TAF3: variants seen among roughly 807,000 people sequenced by gnomAD.
TAF3 encodes the protein transcription initiation factor TFIID subunit 3.
TAF3 carries 7 observed loss-of-function variants against 80.6 expected under a neutral mutation model. The ratio of observed to expected loss-of-function variants is 0.09; its 90% CI spans 0.05 to 0.16. TAF3 has a LOEUF of 0.16. Among genes scored for constraint, TAF3 ranks in the 10% least tolerant of loss-of-function variants. The pLI, the probability that TAF3 is intolerant of heterozygous loss-of-function variation, is 1.00. For missense variants in TAF3, 921 were observed against 1,140.2 expected (o/e 0.81, Z 2.77); for synonymous variants, 444 against 446.1 (o/e 1.00, Z 0.06).
rs76275015 is a variant in TAF3 at position 7,979,612 on chromosome 10, G to A, written c.2315+2289G>A. Among the ~76,000 whole-genome samples, 99 of 152,182 alleles carry A rather than the reference G, an allele frequency of 6.5e-4. No individual in the cohort carries two copies. In the East Asian group the frequency reaches 0.015, roughly 23 times the overall value. The stretch of plus-strand genomic sequence containing the variant: ...ATCATGTAAACTTTCAGATATGTAG[G>A]TAATGACTGCCATGTTATATGAAGG... On this transcript the variant is annotated intron_variant, in intron 4 of 6. Transcript: ENST00000344293.
Position 7,961,088 on chromosome 10 carries a change from C to T in TAF3, c.410-2832C>T, listed in dbSNP as rs139501250. Among the ~76,000 whole-genome samples the T allele has an allele frequency of 4.6e-5, 7 of 152,132 alleles. No individual in the cohort carries two copies. In the East Asian group the frequency reaches 5.8e-4, roughly 13 times the overall value. Reference sequence around the variant, plus strand: ...GTTCTGAGAAAGCTGCACTGGAGGCCGAGACTAGGTAGAAGGTCCTTGCAG... The same window carrying T: ...GTTCTGAGAAAGCTGCACTGGAGGCTGAGACTAGGTAGAAGGTCCTTGCAG... On this transcript the variant is annotated intron_variant, in intron 2 of 6. Transcript: ENST00000344293.
chr10:8,014,631 G>A lies in TAF3; in HGVS notation c.2676-6G>A, dbSNP rs188835944. On this transcript the variant is annotated splice_polypyrimidine_tract_variant and splice_region_variant and intron_variant, in intron 6 of 6. Coordinates refer to ENST00000344293, the MANE Select transcript of TAF3 (RefSeq NM_031923.4). ...GTTGCTTATCTGAGCTTGTTTTCAC[G>A]TGCAGGCCCTGTGTTGGAATCATGA... 2.7e-5 allele frequency: 43 copies of A among 1,610,628 alleles called. 1 individual carries two copies. The highest frequency in any genetic ancestry group is 1.8e-4 in the East Asian group (8 of 44,804).
At position 8,007,278 on chromosome 10, in the gene TAF3, T is replaced by G. The variant is rs1339702500; in HGVS notation, c.2316-1800T>G. 3.3e-5 allele frequency among the ~76,000 whole-genome samples: 5 copies of G among 152,232 alleles called. No individual in the cohort carries two copies. The East Asian group carries it at 9.7e-4, about 29-fold the overall frequency. ...AGACATAAAACTAAGTGGGAAAAGC[T>G]AGTTGCAGAGGACAACTGGAGTGTG... On this transcript the variant is annotated intron_variant, in intron 4 of 6. Transcript: ENST00000344293.
intron 4 of TAF3, among the ~76,000 whole-genome samples, chr10:8,008,031 C>A (rs1832013647): frequency 6.6e-6 from 1 of 151,314 alleles, no homozygotes; most frequent in African/African-American, 2.4e-5. Context: ...GCAGCATCAC[C>A]AGGACAGAAG....
intron 2 of TAF3, among the ~76,000 whole-genome samples, chr10:7,880,591 G>A (rs1440433769): frequency 2.0e-5 from 3 of 152,094 alleles, no homozygotes; most frequent in African/African-American, 4.8e-5. Context: ...TCCTGCTGAC[G>A]TTGTTTCCTT....
chr10:7,908,661 C>T (rs1837628273), intron 2 of TAF3, among the ~76,000 whole-genome samples: 1 of 152,222 alleles, frequency 6.6e-6, no homozygotes, highest in South Asian at 2.1e-4. Flanking sequence ...CCCTATGCCA[C>T]CAGAGCCACA....
At chr10:7,842,963 T>TA (rs1206024351) in intron 2 of TAF3, among the ~76,000 whole-genome samples, 2 of 152,210 alleles carry the variant, frequency 1.3e-5, no homozygotes, top group Non-Finnish European at 2.9e-5. Flanking sequence ...TTTGCAATAA[T>TA]ATCCTCCGGA....
At chr10:7,932,050 G>A (rs1276147802) in intron 2 of TAF3, among the ~76,000 whole-genome samples, 2 of 152,150 alleles carry the variant, frequency 1.3e-5, no homozygotes, top group Non-Finnish European at 2.9e-5. Context: ...ATACAGAAAT[G>A]CAGAGATCCC....
chr10:7,833,862 G>A, intron 2 of TAF3: 1 of 827,752 alleles, frequency 1.2e-6, no homozygotes. Context: ...GGGCTTCCTG[G>A]GGAAGAGGAT....
chr10:7,820,642 A>G (rs1211758128), intron 1 of TAF3, among the ~76,000 whole-genome samples: 1 of 152,090 alleles, frequency 6.6e-6, no homozygotes, highest in African/African-American at 2.4e-5. Flanking sequence ...CTACAGGGAT[A>G]CGCCACCATG....
chr10:7,848,468 G>T (rs1363013278), intron 2 of TAF3, among the ~76,000 whole-genome samples: 3 of 152,134 alleles, frequency 2.0e-5, no homozygotes, highest in African/African-American at 7.2e-5. Flanking sequence ...TTAAGATTTT[G>T]TCTGCAATTG....
chr10:7,884,621 C>A (rs1386613946), intron 2 of TAF3, among the ~76,000 whole-genome samples: 1 of 152,152 alleles, frequency 6.6e-6, no homozygotes, highest in African/African-American at 2.4e-5. Context: ...CTCCTGACCT[C>A]AGGTGATCCA....
intron 3 of TAF3, 66 bp from the exon 4 acceptor site, chr10:7,977,175 G>A: frequency 6.9e-7 from 1 of 1,457,854 alleles, no homozygotes; most frequent in Non-Finnish European, 9.6e-7. Flanking sequence ...TGGGAGAGTA[G>A]GAGAAGTGGT....
At chr10:7,932,890 G>A (rs945305935) in intron 2 of TAF3, among the ~76,000 whole-genome samples, 10 of 151,874 alleles carry the variant, frequency 6.6e-5, no homozygotes, top group South Asian at 2.1e-4. Context: ...ATATTGCCCA[G>A]CCTGGTCTTG....
At chr10:7,956,163 C>G (rs1838133183) in intron 2 of TAF3, among the ~76,000 whole-genome samples, 1 of 152,082 alleles carries the variant, frequency 6.6e-6, no homozygotes, top group Admixed American at 6.6e-5. Flanking sequence ...ATTCTTACAA[C>G]TTTTCTACGT....
rs117871295 is a variant in TAF3 at position 7,840,175 on chromosome 10, C to T, written c.409+15615C>T. Among the ~76,000 whole-genome samples, 197 of 145,502 alleles carry T rather than the reference C, an allele frequency of 1.4e-3. 6 individuals carry two copies. In the East Asian group the frequency reaches 0.036, roughly 26 times the overall value. ...AATGAGTGTTTTTTTTTTTTCGAGA[C>T]GGAGTCTCACACTGTCACCCGGGCT... On this transcript the variant is annotated intron_variant, in intron 2 of 6. Coordinates refer to ENST00000344293, the MANE Select transcript of TAF3 (RefSeq NM_031923.4).
chr10:7,989,680 C>T (rs1193436288), intron 4 of TAF3, among the ~76,000 whole-genome samples: 1 of 152,182 alleles, frequency 6.6e-6, no homozygotes, highest in South Asian at 2.1e-4. Flanking sequence ...ATCCTAGTTT[C>T]TGGAGATTCT....
At chr10:7,886,922 T>C (rs1233911622) in intron 2 of TAF3, among the ~76,000 whole-genome samples, 1 of 152,178 alleles carries the variant, frequency 6.6e-6, no homozygotes, top group Non-Finnish European at 1.5e-5. Context: ...AATGTTATCT[T>C]TTATATTTAA....
intron 2 of TAF3, among the ~76,000 whole-genome samples, chr10:7,962,476 G>A (rs1483926132): frequency 2.6e-5 from 4 of 152,244 alleles, no homozygotes; most frequent in East Asian, 1.9e-4. Context: ...TAAAGATTAT[G>A]TTTCTTTTTC....
Sources: allele counts gnomAD v4.1 joint callset (sites outside exome capture counted in the v4.1 genomes callset), GRCh38; gene constraint gnomAD v4.1.1; transcripts MANE v1.5; gene names NCBI Gene and HGNC (gene_info 2026-07-23, HGNC 2026-07-21).